The following YIPF3 variants were observed in gnomAD, a reference collection of about 807,000 sequenced individuals.
YIPF3 encodes the protein protein YIPF3.
In YIPF3, 18 loss-of-function variants were observed where a neutral mutation model predicts 40.3. That is an observed-to-expected ratio of 0.45 (90% confidence interval 0.31 to 0.66). YIPF3 has a LOEUF of 0.66. YIPF3 is among the 30% of genes least tolerant of loss of function. The probability of loss-of-function intolerance (pLI) is 0.07; values close to 1 mark genes in which losing one functional copy is unlikely to be tolerated. For missense variants in YIPF3, 406 were observed against 452.2 expected (o/e 0.90, Z 0.93); for synonymous variants, 190 against 179.6 (o/e 1.06, Z -0.46).
chr6:43,516,172 G>C (rs753180428), intron 1 of YIPF3, 77 bp from the exon 2 acceptor site: 2 of 1,580,682 alleles, frequency 1.3e-6, no homozygotes, highest in African/African-American at 2.7e-5. Flanking sequence ...CCAGGGTTTA[G>C]GGCTTTGTTC....
At chr6:43,516,472 C>G (rs984235095) in intron 1 of YIPF3, 1 of 619,698 alleles carries the variant, frequency 1.6e-6, no homozygotes, top group Non-Finnish European at 2.8e-6. Flanking sequence ...CCCCGACCAA[C>G]CTCCTAACTT....
chr6:43,515,768 C>T (rs1309956949), intron 2 of YIPF3, 67 bp from the exon 3 acceptor site: 1 of 1,605,826 alleles, frequency 6.2e-7, no homozygotes, highest in Non-Finnish European at 8.5e-7. Context: ...GCCTATTTTC[C>T]GTTTGATTTC....
chr6:43,513,752 T>C (rs768819930), intron 3 of YIPF3, 119 bp from the exon 4 acceptor site: 128 of 979,556 alleles, frequency 1.3e-4, no homozygotes, highest in Non-Finnish European at 1.8e-4. Flanking sequence ...CTAGAAGACA[T>C]GTTGGATGAC....
At position 43,512,326 on chromosome 6, in the gene YIPF3, G is replaced by A. The variant is rs763579512; in HGVS notation, c.905-11C>T. 10 of 1,610,904 alleles carry A rather than the reference G, an allele frequency of 6.2e-6. No homozygotes were observed. The highest frequency in any genetic ancestry group is 2.2e-5 in the East Asian group (1 of 44,874). On this transcript the variant is annotated splice_polypyrimidine_tract_variant and intron_variant, in intron 8 of 8. Coordinates refer to ENST00000372422, the MANE Select transcript of YIPF3 (RefSeq NM_015388.4). Reference sequence around the variant, plus strand: ...GTGTGTCCAGGATCCCTGGAAGGAAGATGGAAGGTGAGCGAGGATCAGATG... The same window carrying A: ...GTGTGTCCAGGATCCCTGGAAGGAAAATGGAAGGTGAGCGAGGATCAGATG...
intron 3 of YIPF3, among the ~76,000 whole-genome samples, chr6:43,514,485 C>T (rs1169263748): frequency 6.6e-6 from 1 of 152,144 alleles, no homozygotes; most frequent in Non-Finnish European, 1.5e-5. Context: ...AGTCACTTCC[C>T]TCTTCTCTCA....
Position 43,512,545 on chromosome 6 carries a change from G to A in YIPF3, c.799C>T (p.Arg267Trp), listed in dbSNP as rs750494875. The stretch of plus-strand genomic sequence containing the variant: ...AGCCGCTGTGTGGGGCCCACGGTCC[G>A]AGACACCAACACTGCTACCTAGGAC... ...TLRMVAVLVS[R>W]TVGPTQRLLL... Residue 267 changes from arginine (R) to tryptophan (W), a missense_variant, in exon 8 of 9, where the codon CGG (arginine) becomes TGG (tryptophan). Transcript: ENST00000372422. 5 of 1,611,612 alleles carry A rather than the reference G, an allele frequency of 3.1e-6. No individual in the cohort carries two copies. The highest frequency in any genetic ancestry group is 3.3e-5 in the Admixed American group (2 of 59,868).
At chr6:43,516,446 C>T (rs1792835236) in intron 1 of YIPF3, 7 of 611,714 alleles carry the variant, frequency 1.1e-5, no homozygotes, top group Non-Finnish European at 2.0e-5. Context: ...CCCACCCAAC[C>T]CCACTCCATG....
In YIPF3 at chr6:43,516,857, A is replaced by C; in HGVS notation, c.-50T>G. ...AAACCCGCGCTAGCCCCGCGCGCGG[A>C]GTGGGCAAGATGTGGGCCTCCGGAA... On this transcript the variant is annotated 5_prime_UTR_variant, in exon 1 of 9. Coordinates refer to ENST00000372422, the MANE Select transcript of YIPF3 (RefSeq NM_015388.4). 1.3e-6 allele frequency: 2 copies of C among 1,546,564 alleles called. No individual in the cohort carries two copies. Among genetic ancestry groups the C allele is most frequent in the Non-Finnish European group, 8.8e-7 (1 of 1,141,718 alleles).
intron 3 of YIPF3, 156 bp from the exon 4 acceptor site, chr6:43,513,789 A>G: frequency 1.6e-6 from 1 of 631,564 alleles, no homozygotes; most frequent in Non-Finnish European, 2.5e-6. Flanking sequence ...GTAAAGACAG[A>G]TAGGGAATGA....
chr6:43,516,353 G>A (rs1792830083), intron 1 of YIPF3: 1 of 813,198 alleles, frequency 1.2e-6, no homozygotes, highest in Admixed American at 3.2e-5. Context: ...AGACTAAAAG[G>A]CTGAAAAAGT....
Position 43,516,605 on chromosome 6 carries a change from G to A in YIPF3, c.81+122C>T, listed in dbSNP as rs919695992. 8.7e-6 allele frequency: 10 copies of A among 1,154,094 alleles called. No homozygotes were observed. In the South Asian group the frequency reaches 1.4e-4, roughly 16 times the overall value. The allele number at this position is 1,154,094 out of a possible 1,614,324, so 71.5% of individuals were successfully genotyped here. On this transcript the variant is annotated intron_variant, in intron 1 of 8. Transcript: ENST00000372422. The stretch of plus-strand genomic sequence containing the variant: ...TCCCACTGACTTTAGTGTGCACGAA[G>A]ACCCAAAGAAGAGAGTTTTGTAAAT...
chr6:43,512,843 A>C lies in YIPF3; in HGVS notation c.698T>G (p.Leu233Arg), dbSNP rs758207810. ...GAGGTGGATATTATAGGTGATGAAC[A>C]GGACAATGCAATGCCCAAAGAGGCC... Reference protein sequence around the residue: ...GYGLFGHCIVLFITYNIHLHA... With the variant: ...GYGLFGHCIVRFITYNIHLHA... Residue 233 changes from leucine to arginine, a missense_variant, in exon 7 of 9, where the codon CTG (leucine) becomes CGG (arginine). Coordinates refer to ENST00000372422, the MANE Select transcript of YIPF3 (RefSeq NM_015388.4). The C allele has an allele frequency of 1.2e-6, 2 of 1,614,116 alleles. No individual in the cohort carries two copies. The highest frequency in any genetic ancestry group is 2.2e-5 in the South Asian group (2 of 91,076).
At chr6:43,512,918 T>A (rs374396266) in intron 6 of YIPF3, 44 bp from the exon 7 acceptor site, 101 of 1,601,672 alleles carry the variant, frequency 6.3e-5, no homozygotes, top group Non-Finnish European at 7.9e-5. Flanking sequence ...CAGGTTGGGC[T>A]GCTTTCTGGC....
intron 4 of YIPF3, 35 bp downstream of exon 4, chr6:43,513,553 C>T (rs1320138818): frequency 6.3e-7 from 1 of 1,595,086 alleles, no homozygotes; most frequent in East Asian, 2.2e-5. Flanking sequence ...CCTGGTGCTT[C>T]CCCCGGCTCT....
chr6:43,512,813 G>T lies in YIPF3; in HGVS notation c.728C>A (p.Ala243Asp), dbSNP rs769130491. ...CAACAGCCAGAAGAGGTAGAAGAGG[G>T]CGTGGAGGTGGATATTATAGGTGAT... ...LFITYNIHLH[A>D]LFYLFWLLVG... Residue 243 changes from alanine (A) to aspartate (D), a missense_variant, in exon 7 of 9, where the codon GCC becomes GAC. Ala to Asp is a moderately radical substitution (Grantham distance 126). Transcript: ENST00000372422. 6.2e-7 allele frequency: 1 copy of T among 1,614,104 alleles called. No homozygotes were observed. Among genetic ancestry groups the T allele is most frequent in the East Asian group, 2.2e-5 (1 of 44,880 alleles).
At position 43,511,913 on chromosome 6, in the gene YIPF3, T is replaced by G; in HGVS notation, c.*254A>C. The G allele has an allele frequency of 2.0e-6, 1 of 507,892 alleles. No homozygotes were observed. The highest frequency in any genetic ancestry group is 3.5e-6 in the Non-Finnish European group (1 of 288,844). The allele number at this position is 507,892 out of a possible 1,614,324, so 31.5% of individuals were successfully genotyped here. On this transcript the variant is annotated 3_prime_UTR_variant, in exon 9 of 9. Transcript: ENST00000372422. ...GGAGAGATAAAGAGGAAGGAAGGGG[T>G]AGGTGGGGAGGGGTTCTCAAAGGAG...
rs776483425 is a variant in YIPF3 at position 43,513,558 on chromosome 6, G to A, written c.441+30C>T. 3.0e-5 allele frequency: 48 copies of A among 1,594,596 alleles called. No homozygotes were observed. The East Asian group carries it at 5.6e-4, about 19-fold the overall frequency. On this transcript the variant is annotated intron_variant, in intron 4 of 8. Transcript: ENST00000372422. Reference sequence around the variant, plus strand: ...CACCCTCTGCCCTGGTGCTTCCCCCGGCTCTCCAGACATGCCACCCTCTAT... The same window carrying A: ...CACCCTCTGCCCTGGTGCTTCCCCCAGCTCTCCAGACATGCCACCCTCTAT...
In YIPF3 at chr6:43,512,824, G is replaced by A; in HGVS notation, c.717C>T (p.Ile239=). The A allele has an allele frequency of 6.2e-7, 1 of 1,614,114 alleles. No individual in the cohort carries two copies. Among genetic ancestry groups the A allele is most frequent in the Non-Finnish European group, 8.5e-7 (1 of 1,180,036 alleles). ...HCIVLFITYN[I]HLHALFYLFW... Reference sequence around the variant, plus strand: ...AGAGGTAGAAGAGGGCGTGGAGGTGGATATTATAGGTGATGAACAGGACAA... The same window carrying A: ...AGAGGTAGAAGAGGGCGTGGAGGTGAATATTATAGGTGATGAACAGGACAA... Residue 239 remains isoleucine (I), a synonymous_variant, in exon 7 of 9, where the codon ATC becomes ATT. Transcript: ENST00000372422.
At position 43,513,108 on chromosome 6, in the gene YIPF3, G is replaced by A. The variant is rs763888842; in HGVS notation, c.627C>T (p.Cys209=). 6.2e-7 allele frequency: 1 copy of A among 1,614,186 alleles called. No homozygotes were observed. Among genetic ancestry groups the A allele is most frequent in the South Asian group, 1.1e-5 (1 of 91,088 alleles). The change falls in exon 6 of 9, where the codon TGC becomes TGT. Residue 209 remains cysteine, a synonymous_variant. Coordinates refer to ENST00000372422, the MANE Select transcript of YIPF3 (RefSeq NM_015388.4). ...SSFIYFLAYL[C]NAQITMLQML... is the part of the protein sequence containing the mutation. The stretch of plus-strand genomic sequence containing the variant: ...TCTGCAGCATGGTGATCTGGGCGTT[G>A]CACAGGTAGGCAAGGAAGTAAATGA...
Sources: allele counts gnomAD v4.1 joint callset (sites outside exome capture counted in the v4.1 genomes callset), GRCh38; gene constraint gnomAD v4.1.1; transcripts MANE v1.5; gene names NCBI Gene and HGNC (gene_info 2026-07-23, HGNC 2026-07-21).